The following GPR179 variants were observed in gnomAD, a reference collection of about 807,000 sequenced individuals.
The protein encoded by GPR179 is probable G protein-coupled receptor 179.
GPR179 carries 52 observed loss-of-function variants against 70.8 expected under a neutral mutation model. That is an observed-to-expected ratio of 0.73 (90% CI 0.59 to 0.93). GPR179 has a LOEUF of 0.93. GPR179 is among the 40% of genes least tolerant of loss of function. GPR179 has a pLI of 0.00. For synonymous variants in GPR179, 1,123 were observed against 1,169.0 expected (o/e 0.96, Z 0.80); for missense variants, 2,734 against 2,966.8 (o/e 0.92, Z 1.82).
At chr17:38,331,743 C>T (rs560706253) in intron 10 of GPR179, among the ~76,000 whole-genome samples, 25 of 152,262 alleles carry the variant, frequency 1.6e-4, no homozygotes, top group South Asian at 6.2e-4. Flanking sequence ...CCAGTCAGCT[C>T]GGAGGACTCA....
Position 38,329,016 on chromosome 17 carries a change from C to T in GPR179, c.4553G>A (p.Gly1518Glu), listed in dbSNP as rs371922224. Reference protein sequence around the residue: ...ASRKGSFGEMGEQTVKAVQKL... With the variant: ...ASRKGSFGEMEEQTVKAVQKL... ...CTGCACTGCTTTCACAGTTTGTTCC[C>T]CCATCTCTCCAAAGCTTCCTTTTCT... Residue 1518 changes from glycine (G) to glutamate (E), a missense_variant, in exon 11 of 11, where the codon GGG (glycine) becomes GAG (glutamate). Coordinates refer to ENST00000616987, the MANE Select transcript of GPR179 (RefSeq NM_001004334.4). 1.2e-6 allele frequency: 2 copies of T among 1,614,148 alleles called. No homozygotes were observed. Among genetic ancestry groups the T allele is most frequent in the East Asian group, 2.2e-5 (1 of 44,852 alleles).
Position 38,343,565 on chromosome 17 carries a change from A to G in GPR179, c.225T>C (p.Asn75=). 2 of 1,613,800 alleles carry G rather than the reference A, an allele frequency of 1.2e-6. No individual in the cohort carries two copies. The highest frequency in any genetic ancestry group is 1.7e-6 in the Non-Finnish European group (2 of 1,180,002). Residue 75 remains asparagine (N), a synonymous_variant, in exon 1 of 11, where the codon AAT becomes AAC. Transcript: ENST00000616987. The surrounding 1 kb of genome is among the most constrained non-coding windows in gnomAD (Gnocchi z 4.2). ...CACGCGCTTCATAGCGCTCACTGCA[A>G]TTCACCTGTGATAGCTGCTGGGCAT... is the stretch of plus-strand genomic sequence containing the variant. ...SGDAQQLSQV[N]CSERYEARGA... is the part of the protein sequence containing the mutation.
In GPR179 at chr17:38,330,888, G is replaced by A; in HGVS notation, c.2681C>T (p.Pro894Leu). 1 of 1,602,218 alleles carries A rather than the reference G, an allele frequency of 6.2e-7. No individual in the cohort carries two copies. Among genetic ancestry groups the A allele is most frequent in the Middle Eastern group, 1.7e-4 (1 of 6,030 alleles). ...RRPSARRLER[P>L]RGAPLSAPPS... Reference sequence around the variant, plus strand: ...TGGAGCTGACAGGGGGGCCCCTCGAGGCCGCTCCAGCCTCCTGGCTGATGG... The same window carrying A: ...TGGAGCTGACAGGGGGGCCCCTCGAAGCCGCTCCAGCCTCCTGGCTGATGG... The change falls in exon 11 of 11, where the codon CCT becomes CTT. Residue 894 changes from proline to leucine, a missense_variant. Transcript: ENST00000616987.
rs768716998 is a variant in GPR179, at chr17:38,329,551, G to T, written c.4018C>A (p.Pro1340Thr). Residue 1340 changes from proline to threonine, a missense_variant, in exon 11 of 11, where the codon CCT becomes ACT. Transcript: ENST00000616987. ...TCAGATTTGTCTCTGATTCTGCCAG[G>T]GTCCTGAGGAGCTGACCCAGGGGAC... ...GLSPGSAPQD[P>T]GRIRDKSEAG... 2 of 1,613,870 alleles carry T rather than the reference G, an allele frequency of 1.2e-6. No homozygotes were observed. The highest frequency in any genetic ancestry group is 1.7e-5 in the Admixed American group (1 of 60,002).
In GPR179 at chr17:38,325,171, G is replaced by A. The variant is rs55812439; in HGVS notation, c.*1294C>T. 9.2e-3 allele frequency among the ~76,000 whole-genome samples: 1,395 copies of A among 151,828 alleles called. 25 individuals carry two copies. The highest frequency in any genetic ancestry group is 0.032 in the African/African-American group (1,321 of 41,352). ...TTTTCTCCTTCTTCCTTTCCCTCTG[G>A]TATTATCATCTAATCCCAGCAATTT... On this transcript the variant is annotated 3_prime_UTR_variant, in exon 11 of 11. Coordinates refer to ENST00000616987, the MANE Select transcript of GPR179 (RefSeq NM_001004334.4).
intron 10 of GPR179, 28 bp from the exon 11 acceptor site, chr17:38,331,559 GC>G (rs1331961706): frequency 6.4e-7 from 1 of 1,573,890 alleles, no homozygotes; most frequent in South Asian, 1.2e-5. Context: ...GGAAAGCAGG[GC>G]TGCAGGTGAG....
chr17:38,330,488 G>C lies in GPR179; in HGVS notation c.3081C>G (p.Ala1027=), dbSNP rs749208360. 2.7e-5 allele frequency: 42 copies of C among 1,552,416 alleles called. No individual in the cohort carries two copies. The highest frequency in any genetic ancestry group is 3.7e-5 in the Non-Finnish European group (42 of 1,148,070). ...RGHHSPAPAR[A]RLWRALSVAV... ...CAACAGAGAGGGCCCTCCAGAGCCT[G>C]GCTCGAGCTGGGGCAGGGGAGTGGT... The change falls in exon 11 of 11, where the codon GCC becomes GCG. Residue 1027 remains alanine (A), a synonymous_variant. Transcript: ENST00000616987.
At position 38,335,145 on chromosome 17, in the gene GPR179, G is replaced by A. The variant is rs200421731; in HGVS notation, c.1533C>T (p.Gly511=). The A allele has an allele frequency of 6.3e-4, 1,010 of 1,592,794 alleles. 1 individual carries two copies. The highest frequency in any genetic ancestry group is 1.2e-3 in the East Asian group (51 of 43,606). Residue 511 remains glycine, a synonymous_variant, in exon 7 of 11, where the codon GGC becomes GGT. Coordinates refer to ENST00000616987, the MANE Select transcript of GPR179 (RefSeq NM_001004334.4). ...VLGFLAVWTV[G]ALERGIQHAP... is the part of the protein sequence containing the mutation. ...CGTGCTGGATGCCTCGCTCCAGGGC[G>A]CCCACGGTCCACACAGCCAGGAAGC...
At chr17:38,341,595 G>A (rs1452654973) in intron 1 of GPR179, among the ~76,000 whole-genome samples, 1 of 152,204 alleles carries the variant, frequency 6.6e-6, no homozygotes, top group Non-Finnish European at 1.5e-5. Context: ...GAGAAGCAGT[G>A]TTGATTGTTG....
chr17:38,340,871 T>C (rs895076349), intron 1 of GPR179, among the ~76,000 whole-genome samples: 9 of 152,340 alleles, frequency 5.9e-5, no homozygotes, highest in African/African-American at 1.9e-4. Context: ...TGAGCCAAGA[T>C]GGCGCCACTA....
rs2037465445 is a variant in GPR179, at chr17:38,343,238, C to T, written c.552G>A (p.Gln184=). ...CCAGGTCCCCAGGAGGGTTCTCCTC[C>T]TGCACCCAGTTCCCAGACAAGTCCT... ...ILQDLSGNWV[Q]EENPPGDLDT... Residue 184 remains glutamine, a synonymous_variant, in exon 1 of 11, where the codon CAG becomes CAA. Transcript: ENST00000616987. This position sits in a 1 kb window ranked among gnomAD's most constrained non-coding sequence, Gnocchi z 4.2. The T allele has an allele frequency of 1.2e-6, 2 of 1,614,202 alleles. No individual in the cohort carries two copies. Among genetic ancestry groups the T allele is most frequent in the Non-Finnish European group, 1.7e-6 (2 of 1,180,024 alleles).
chr17:38,334,815 C>G lies in GPR179; in HGVS notation c.1673G>C (p.Ser558Thr). 6.2e-7 allele frequency: 1 copy of G among 1,612,876 alleles called. No homozygotes were observed. The highest frequency in any genetic ancestry group is 8.5e-7 in the Non-Finnish European group (1 of 1,179,940). Residue 558 changes from serine to threonine, a missense_variant, in exon 8 of 11, where the codon AGC becomes ACC. Coordinates refer to ENST00000616987, the MANE Select transcript of GPR179 (RefSeq NM_001004334.4). This position sits in a 1 kb window ranked among gnomAD's most constrained non-coding sequence, Gnocchi z 4.7. ...VAELLLLCWG[S>T]FLCYATRAVL... ...AGCCCGTGTGGCGTAGCAGAGGAAG[C>G]TGCCCCAGCACAGCAGCAGCAGCTC... is the stretch of plus-strand genomic sequence containing the variant.
rs752120850 is a variant in GPR179 at position 38,328,935 on chromosome 17, T to C, written c.4634A>G (p.His1545Arg). Residue 1545 changes from histidine (H) to arginine (R), a missense_variant, in exon 11 of 11, where the codon CAC (histidine) becomes CGC (arginine). Transcript: ENST00000616987. Reference protein sequence around the residue: ...VCPRESTVPGHSSPCLDNSSS... With the variant: ...VCPRESTVPGRSSPCLDNSSS... ...GGAATTGTCTAGACATGGGCTGGAG[T>C]GCCCAGGGACCGTGCTCTCCCTGGG... 6.2e-7 allele frequency: 1 copy of C among 1,614,042 alleles called. No homozygotes were observed. The highest frequency in any genetic ancestry group is 8.5e-7 in the Non-Finnish European group (1 of 1,179,972).
chr17:38,328,681 C>G lies in GPR179; in HGVS notation c.4888G>C (p.Glu1630Gln), dbSNP rs149998444. The change falls in exon 11 of 11, where the codon GAA (glutamate) becomes CAA (glutamine). Residue 1630 changes from glutamate (E) to glutamine (Q), a missense_variant. Physicochemically the swap from Glu to Gln is conservative, Grantham distance 29. Transcript: ENST00000616987. ...KEKMPGKSEI[E>Q]DVTAWEKPEG... ...GGCTTTTCCCAAGCTGTGACATCTT[C>G]GATTTCCGATTTTCCAGGCATTTTC... 6.1e-3 allele frequency: 9,862 copies of G among 1,614,108 alleles called. 42 individuals are homozygous for G. The highest frequency in any genetic ancestry group is 7.5e-3 in the Non-Finnish European group (8,805 of 1,179,982).
At position 38,334,945 on chromosome 17, in the gene GPR179, G is replaced by C. The variant is rs890027635; in HGVS notation, c.1645+88C>G. 1.0e-5 allele frequency: 16 copies of C among 1,587,398 alleles called. No homozygotes were observed. The African/African-American group carries it at 1.9e-4, about 19-fold the overall frequency. On this transcript the variant is annotated intron_variant, in intron 7 of 10. Coordinates refer to ENST00000616987, the MANE Select transcript of GPR179 (RefSeq NM_001004334.4). The surrounding 1 kb of genome is among the most constrained non-coding windows in gnomAD (Gnocchi z 4.7). ...GGGGAGCCTGGGCTCGGGGTCTGGG[G>C]ACAAGTCAGGAGAACCAGAACAAGA...
chr17:38,337,020 G>C lies in GPR179; in HGVS notation c.1185C>G (p.Ile395Met). ...GGTAGGAGACCAGCATGCTCAGGAA[G>C]ATGGCCAGCATGCAGCAGGCCTGGC... ...LACQACCMLA[I>M]FLSMLVSYRC... The change falls in exon 4 of 11, where the codon ATC (isoleucine) becomes ATG (methionine). Residue 395 changes from isoleucine to methionine, a missense_variant. Physicochemically the swap from Ile to Met is conservative, Grantham distance 10. Transcript: ENST00000616987. 18 of 1,607,872 alleles carry C rather than the reference G, an allele frequency of 1.1e-5. No homozygotes were observed. The highest frequency in any genetic ancestry group is 1.5e-5 in the Non-Finnish European group (18 of 1,178,112).
Position 38,325,385 on chromosome 17 carries a change from G to A in GPR179, c.*1080C>T, listed in dbSNP as rs576049524. On this transcript the variant is annotated 3_prime_UTR_variant, in exon 11 of 11. Coordinates refer to ENST00000616987, the MANE Select transcript of GPR179 (RefSeq NM_001004334.4). ...AGAAGTAGAGTGCTGGCTGTGTACAGGACTGCCTTTCTTGAGCTCCTCTGG... is the reference window on the plus strand; with the variant it reads ...AGAAGTAGAGTGCTGGCTGTGTACAAGACTGCCTTTCTTGAGCTCCTCTGG... 6.6e-6 allele frequency: 1 copy of A among 151,710 alleles called. No homozygotes were observed. The highest frequency in any genetic ancestry group is 2.1e-4 in the South Asian group (1 of 4,806). 9.4% of individuals were successfully genotyped at this position (151,710 alleles called of 1,614,324 possible).
At chr17:38,339,074 C>T (rs1418468555) in intron 2 of GPR179, among the ~76,000 whole-genome samples, 6 of 152,012 alleles carry the variant, frequency 3.9e-5, no homozygotes, top group African/African-American at 7.3e-5. Context: ...AATGTGTTCC[C>T]GGGGGAAGGA....
chr17:38,343,781 G>C lies in GPR179; in HGVS notation c.9C>G (p.Thr3=). The C allele has an allele frequency of 6.6e-7, 1 of 1,507,360 alleles. No homozygotes were observed. Among genetic ancestry groups the C allele is most frequent in the Non-Finnish European group, 8.8e-7 (1 of 1,130,486 alleles). 93.4% of individuals were successfully genotyped at this position (1,507,360 alleles called of 1,614,324 possible). The part of the protein sequence containing the change: MG[T]RGAVMPPPMW... Reference sequence around the variant, plus strand: ...TAGGAGGGGGCATGACCGCTCCCCTGGTGCCCATCCTTGGGGCAGCTCTCA... The same window carrying C: ...TAGGAGGGGGCATGACCGCTCCCCTCGTGCCCATCCTTGGGGCAGCTCTCA... Residue 3 remains threonine (T), a synonymous_variant, in exon 1 of 11, where the codon ACC becomes ACG. Transcript: ENST00000616987. This position sits in a 1 kb window ranked among gnomAD's most constrained non-coding sequence, Gnocchi z 4.2.
Sources: allele counts gnomAD v4.1 joint callset (sites outside exome capture counted in the v4.1 genomes callset), GRCh38; gene constraint gnomAD v4.1.1; non-coding constraint Gnocchi (gnomAD v3.1); transcripts MANE v1.5; gene names NCBI Gene and HGNC (gene_info 2026-07-23, HGNC 2026-07-21).